ATP2B4: variants seen among roughly 807,000 people sequenced by gnomAD.
The protein encoded by ATP2B4 is ATPase plasma membrane Ca2+ transporting 4, also known as plasma membrane calcium-transporting ATPase 4.
A neutral mutation model predicts 110.3 loss-of-function variants in ATP2B4; 39 were observed. The ratio of observed to expected loss-of-function variants is 0.35; its 90% CI spans 0.27 to 0.46. The LOEUF is 0.46. ATP2B4 is among the 20% of genes least tolerant of loss of function. The pLI is 1.00. For synonymous variants in ATP2B4, 538 were observed against 571.7 expected, an observed-to-expected ratio of 0.94 and a Z score of 0.84; for missense variants, 1,135 against 1,530.9, an observed-to-expected ratio of 0.74 and a Z score of 4.32.
chr1:203,738,525 C>T (rs1277834000), intron 20 of ATP2B4, among the ~76,000 whole-genome samples: 3 of 152,166 alleles, frequency 2.0e-5, no homozygotes, highest in Admixed American at 1.3e-4. Flanking sequence ...TAAAACCGCA[C>T]GTGGTTTCCT....
At chr1:203,636,644 G>A (rs1663447137) in intron 1 of ATP2B4, among the ~76,000 whole-genome samples, 2 of 152,142 alleles carry the variant, frequency 1.3e-5, no homozygotes, top group Admixed American at 1.3e-4. Flanking sequence ...CTGGTAATCT[G>A]GACTCTTGTC....
At chr1:203,688,763 A>G (rs1340225427) in intron 2 of ATP2B4, among the ~76,000 whole-genome samples, 3 of 152,236 alleles carry the variant, frequency 2.0e-5, no homozygotes, top group African/African-American at 4.8e-5. Flanking sequence ...GGCTGAGAGC[A>G]TGAGCCAAAA....
chr1:203,708,577 C>A (rs1303148488), intron 10 of ATP2B4, among the ~76,000 whole-genome samples: 4 of 152,162 alleles, frequency 2.6e-5, no homozygotes, highest in Non-Finnish European at 5.9e-5. Context: ...AAACAACAGG[C>A]TAGGCATAGT....
Position 203,721,409 on chromosome 1 carries a change from G to C in ATP2B4, c.2811G>C (p.Ala937=). 5.0e-6 allele frequency: 8 copies of C among 1,613,848 alleles called. No homozygotes were observed. Among genetic ancestry groups the C allele is most frequent in the Non-Finnish European group, 6.8e-6 (8 of 1,179,872 alleles). The change falls in exon 17 of 21, where the codon GCG becomes GCC. Residue 937 remains alanine (A), a splice_region_variant and synonymous_variant. Transcript: ENST00000357681. ...TTGTCATCTTTATCCTTGTCTTTGCGGGTGAGCCACTTTGGGGGTGGGTAG... is the reference window on the plus strand; with the variant it reads ...TTGTCATCTTTATCCTTGTCTTTGCCGGTGAGCCACTTTGGGGGTGGGTAG... ...QLIVIFILVF[A]GEKFFDIDSG...
At chr1:203,661,846 G>A (rs1200108901) in intron 1 of ATP2B4, among the ~76,000 whole-genome samples, 1 of 152,010 alleles carries the variant, frequency 6.6e-6, no homozygotes. Flanking sequence ...TACCACAATG[G>A]ATCTGAACTC....
chr1:203,721,562 C>G, intron 17 of ATP2B4, 152 bp downstream of exon 17: 1 of 721,340 alleles, frequency 1.4e-6, no homozygotes, highest in Non-Finnish European at 2.3e-6. Context: ...GTGCATTATG[C>G]TACTATATGT....
At chr1:203,709,185 C>T in intron 10 of ATP2B4, 116 bp from the exon 11 acceptor site, 2 of 1,383,926 alleles carry the variant, frequency 1.4e-6, no homozygotes, top group South Asian at 1.3e-5. Flanking sequence ...ATGTTATTTC[C>T]CCTATGAGCT....
At position 203,720,588 on chromosome 1, in the gene ATP2B4, A is replaced by G. The variant is rs949220062; in HGVS notation, c.2446A>G (p.Ile816Val). ...AGATGTAGCAAAGGAGGCTTCAGAC[A>G]TCATCCTAACAGATGACAACTTCAC... Reference protein sequence around the residue: ...GTDVAKEASDIILTDDNFTSI... With the variant: ...GTDVAKEASDVILTDDNFTSI... The change falls in exon 16 of 21, where the codon ATC becomes GTC. Residue 816 changes from isoleucine to valine, a missense_variant. Ile to Val is a conservative substitution (Grantham distance 29, BLOSUM62 3). This residue lies in a region of ATP2B4 where 70 missense variants were observed against 142.4 expected (regional missense o/e 0.49). Coordinates refer to ENST00000357681, the MANE Select transcript of ATP2B4 (RefSeq NM_001684.5). 1 of 1,613,372 alleles carries G rather than the reference A, an allele frequency of 6.2e-7. No individual in the cohort carries two copies. Among genetic ancestry groups the G allele is most frequent in the Non-Finnish European group, 8.5e-7 (1 of 1,179,568 alleles).
At chr1:203,725,763 A>C (rs1481400652) in intron 19 of ATP2B4, among the ~76,000 whole-genome samples, 1 of 151,910 alleles carries the variant, frequency 6.6e-6, no homozygotes, top group Non-Finnish European at 1.5e-5. Flanking sequence ...GTGTCCAGCC[A>C]CCCAGGTAAT....
At chr1:203,680,120 A>G (rs1289909858) in intron 1 of ATP2B4, among the ~76,000 whole-genome samples, 1 of 151,772 alleles carries the variant, frequency 6.6e-6, no homozygotes, top group Admixed American at 6.6e-5. Flanking sequence ...CTAATTCTCA[A>G]GAGACCCAAG....
chr1:203,700,991 C>A (rs1470216011), intron 6 of ATP2B4, 68 bp downstream of exon 6: 11 of 1,542,134 alleles, frequency 7.1e-6, no homozygotes, highest in African/African-American at 1.4e-5. Flanking sequence ...AGCGAGGGAG[C>A]AGATCTGGAT....
rs80211072 is a variant in ATP2B4 at position 203,710,646 on chromosome 1, C to G, written c.1800-231C>G. ...CATTGCATTCACATATGGGTAAGAA[C>G]AGATGACATGGGAGAATCCCACTCT... On this transcript the variant is annotated intron_variant, in intron 11 of 20. Transcript: ENST00000357681. 4.5e-3 allele frequency among the ~76,000 whole-genome samples: 682 copies of G among 152,316 alleles called. 7 individuals are homozygous for G. The highest frequency in any genetic ancestry group is 0.03 in the East Asian group (157 of 5,194).
intron 8 of ATP2B4, among the ~76,000 whole-genome samples, chr1:203,704,294 C>G (rs1209107323): frequency 3.3e-5 from 5 of 151,944 alleles, no homozygotes; most frequent in Non-Finnish European, 4.4e-5. Context: ...GAGGCTCTCT[C>G]CAGAAGAGAG....
chr1:203,710,812 CAAT>C, intron 11 of ATP2B4, 62 bp from the exon 12 acceptor site: 12 of 1,305,094 alleles, frequency 9.2e-6, no homozygotes, highest in Non-Finnish European at 1.3e-5. Flanking sequence ...AAATACCTGT[CAAT>C]GATTGTAGAA....
chr1:203,636,463 G>A lies in ATP2B4; in HGVS notation c.-465+9244G>A, dbSNP rs532588939. ...CTACATGACTCAGGGCTCTTTTTAC[G>A]TAGGCTCATGTAGGTGACGGCTATT... On this transcript the variant is annotated intron_variant, in intron 1 of 20. Transcript: ENST00000357681. Among the ~76,000 whole-genome samples, 8 of 152,202 alleles carry A rather than the reference G, an allele frequency of 5.3e-5. No homozygotes were observed. In the South Asian group the frequency reaches 1.2e-3, roughly 24 times the overall value.
chr1:203,657,787 T>A, intron 1 of ATP2B4: 1 of 616,646 alleles, frequency 1.6e-6, no homozygotes, highest in Non-Finnish European at 2.9e-6. Context: ...CCACCAGGAG[T>A]AGCCCCTGAG....
In ATP2B4 at chr1:203,653,100, T is replaced by C. The variant is rs534649150; in HGVS notation, c.-465+25881T>C. 3.3e-5 allele frequency among the ~76,000 whole-genome samples: 5 copies of C among 152,338 alleles called. No individual in the cohort carries two copies. The East Asian group carries it at 9.6e-4, about 29-fold the overall frequency. On this transcript the variant is annotated intron_variant, in intron 1 of 20. Coordinates refer to ENST00000357681, the MANE Select transcript of ATP2B4 (RefSeq NM_001684.5). Reference sequence around the variant, plus strand: ...AAGGAAATTAAAAGTGCTACTCCAGTTAACACACAAATGATAAAAAAGCAA... The same window carrying C: ...AAGGAAATTAAAAGTGCTACTCCAGCTAACACACAAATGATAAAAAAGCAA...
chr1:203,730,961 A>G (rs533977433), intron 20 of ATP2B4, among the ~76,000 whole-genome samples: 19 of 152,234 alleles, frequency 1.2e-4, no homozygotes, highest in Admixed American at 3.9e-4. Context: ...GTTCTAACAA[A>G]ACCCCCTGCC....
At chr1:203,738,868 G>A (rs72745735) in intron 20 of ATP2B4, among the ~76,000 whole-genome samples, 28 of 152,316 alleles carry the variant, frequency 1.8e-4, no homozygotes, top group Non-Finnish European at 3.7e-4. Flanking sequence ...GGACACAGTG[G>A]TGGTTGTGGG....
Sources: gnomAD v4.1 joint callset for allele counts (sites outside exome capture counted in the v4.1 genomes callset) on GRCh38, gnomAD v4.1.1 for gene constraint, gnomAD v4.1.1 regional missense constraint, MANE v1.5 for transcripts, NCBI Gene and HGNC (gene_info 2026-07-23, HGNC 2026-07-21) for gene names.